ASPH: variants seen among roughly 807,000 people sequenced by gnomAD.
ASPH encodes the protein aspartate beta-hydroxylase, also known as aspartyl/asparaginyl beta-hydroxylase.
ASPH carries 100 observed loss-of-function variants against 118.4 expected under a neutral mutation model. That is an observed-to-expected ratio of 0.84 (90% confidence interval 0.72 to 1.00). The LOEUF (loss-of-function observed/expected upper bound fraction) is 1.00, where lower values mean the gene tolerates loss of function less well. ASPH is among the 50% of genes least tolerant of loss of function. ASPH has a pLI of 0.00. For synonymous variants in ASPH, 315 were observed against 325.6 expected, an observed-to-expected ratio of 0.97 and a Z score of 0.35; for missense variants, 920 against 919.5, an observed-to-expected ratio of 1.00 and a Z score of -0.01.
At chr8:61,678,736 C>T (rs978687932) in intron 3 of ASPH, among the ~76,000 whole-genome samples, 1 of 152,114 alleles carries the variant, frequency 6.6e-6, no homozygotes, top group East Asian at 1.9e-4. Flanking sequence ...CTCCTCTTAT[C>T]TCTGATTTCC....
At chr8:61,687,077 C>A (rs1830840262) in intron 1 of ASPH, among the ~76,000 whole-genome samples, 1 of 151,748 alleles carries the variant, frequency 6.6e-6, no homozygotes, top group African/African-American at 2.4e-5. Context: ...GGCAACAAAG[C>A]AAGACCCTTT....
At chr8:61,517,472 T>G (rs1272141819) in intron 24 of ASPH, 56 bp downstream of exon 24, 13 of 1,591,732 alleles carry the variant, frequency 8.2e-6, no homozygotes, top group Non-Finnish European at 1.1e-5. Flanking sequence ...AACTGTGTTG[T>G]AACAAACTCT....
At chr8:61,666,918 T>A (rs1286465207) in intron 3 of ASPH, among the ~76,000 whole-genome samples, 1 of 152,200 alleles carries the variant, frequency 6.6e-6, no homozygotes, top group African/African-American at 2.4e-5. Context: ...AAAAATTCAG[T>A]CTTTAATGTT....
At chr8:61,610,637 G>C (rs1477387740) in intron 14 of ASPH, among the ~76,000 whole-genome samples, 1 of 152,196 alleles carries the variant, frequency 6.6e-6, no homozygotes, top group Non-Finnish European at 1.5e-5. Context: ...GGGTGGACGG[G>C]AGACTGTTTT....
intron 15 of ASPH, among the ~76,000 whole-genome samples, chr8:61,577,399 C>CA (rs775523503): frequency 0.046 from 1,077 of 23,248 alleles, 218 homozygotes; most frequent in Middle Eastern, 0.17. Flanking sequence ...CCCAATCTCG[C>CA]AAAAAAAAAA....
At chr8:61,681,853 A>G (rs1828251042) in intron 2 of ASPH, among the ~76,000 whole-genome samples, 1 of 151,940 alleles carries the variant, frequency 6.6e-6, no homozygotes, top group Admixed American at 6.6e-5. Flanking sequence ...AAAAAGTCAA[A>G]TATATTCAAC....
chr8:61,603,191 C>CAAAA (rs11336705), intron 14 of ASPH, among the ~76,000 whole-genome samples: 7 of 61,344 alleles, frequency 1.1e-4, no homozygotes, highest in African/African-American at 1.8e-4. Context: ...AGACTTGTCT[C>CAAAA]AAAAAAAAAA....
intron 20 of ASPH, 49 bp from the exon 21 acceptor site, chr8:61,548,257 T>C (rs768433577): frequency 6.6e-6 from 10 of 1,519,366 alleles, no homozygotes; most frequent in Admixed American, 2.1e-5. Context: ...CAACAGAGCA[T>C]TTTTATTAAT....
chr8:61,700,670 G>A (rs1835035706), intron 1 of ASPH, among the ~76,000 whole-genome samples: 1 of 152,160 alleles, frequency 6.6e-6, no homozygotes, highest in South Asian at 2.1e-4. Flanking sequence ...AACAAACAAC[G>A]TAAGAATTTC....
chr8:61,672,279 C>T (rs978757848), intron 3 of ASPH, among the ~76,000 whole-genome samples: 2 of 151,928 alleles, frequency 1.3e-5, no homozygotes, highest in Non-Finnish European at 2.9e-5. Context: ...CCCACCAACC[C>T]TCTACAGTAA....
intron 13 of ASPH, 72 bp downstream of exon 13, chr8:61,633,611 A>C: frequency 3.1e-6 from 4 of 1,277,072 alleles, no homozygotes; most frequent in Non-Finnish European, 4.4e-6. Flanking sequence ...ATTCATTATA[A>C]AGCTATTGGT....
At chr8:61,635,881 G>A (rs778591053) in intron 12 of ASPH, among the ~76,000 whole-genome samples, 2 of 152,038 alleles carry the variant, frequency 1.3e-5, no homozygotes, top group Non-Finnish European at 2.9e-5. Context: ...TTCCGTTCTT[G>A]CTCCATTCAA....
intron 24 of ASPH, among the ~76,000 whole-genome samples, chr8:61,510,876 T>C (rs1422454806): frequency 1.3e-5 from 2 of 152,298 alleles, no homozygotes. Flanking sequence ...GCAATGCAGA[T>C]GAAGATGGGA....
In ASPH at chr8:61,502,109, C is replaced by T. The variant is rs994167277; in HGVS notation, c.*1250G>A. 2 of 152,106 alleles carry T rather than the reference C, an allele frequency of 1.3e-5. No individual in the cohort carries two copies. Among genetic ancestry groups the T allele is most frequent in the Non-Finnish European group, 2.9e-5 (2 of 68,008 alleles). 9.4% of individuals were successfully genotyped at this position (152,106 alleles called of 1,614,324 possible). A position where few individuals can be genotyped will look rare whatever the true frequency, so the allele number is the denominator to read the frequency against. ...TCATCTTTGGAATGAGTAGGCAAGA[C>T]GATTTTTACCTATTATTTCTATGTT... On this transcript the variant is annotated 3_prime_UTR_variant, in exon 25 of 25. Coordinates refer to ENST00000379454, the MANE Select transcript of ASPH (RefSeq NM_004318.4).
chr8:61,578,675 G>T, intron 15 of ASPH: 4 of 1,604,122 alleles, frequency 2.5e-6, no homozygotes, highest in Non-Finnish European at 3.4e-6. Flanking sequence ...GGCAGCTGGA[G>T]ACTCTGGGCC....
chr8:61,555,030 A>G (rs1183698988), intron 19 of ASPH, among the ~76,000 whole-genome samples: 1 of 152,148 alleles, frequency 6.6e-6, no homozygotes, highest in Non-Finnish European at 1.5e-5. Context: ...AGAAAATTCT[A>G]CTGGGAAGCC....
At chr8:61,653,440 A>G in intron 4 of ASPH, 128 bp downstream of exon 4, 1 of 852,172 alleles carries the variant, frequency 1.2e-6, no homozygotes, top group Non-Finnish European at 1.8e-6. Flanking sequence ...TTCAGAAGAG[A>G]AAAAAAGTAG....
chr8:61,562,720 A>G, intron 18 of ASPH, 24 bp downstream of exon 18: 2 of 1,578,826 alleles, frequency 1.3e-6, no homozygotes, highest in Non-Finnish European at 1.7e-6. Context: ...AATTTGACGT[A>G]GTTAATACAA....
chr8:61,652,195 A>T (rs1232524522), intron 4 of ASPH, among the ~76,000 whole-genome samples: 1 of 152,228 alleles, frequency 6.6e-6, no homozygotes, highest in African/African-American at 2.4e-5. Flanking sequence ...ACAAAGCCTA[A>T]GATAGCTTCC....
Sources: allele counts gnomAD v4.1 joint callset (sites outside exome capture counted in the v4.1 genomes callset), GRCh38; gene constraint gnomAD v4.1.1; transcripts MANE v1.5; gene names NCBI Gene and HGNC (gene_info 2026-07-23, HGNC 2026-07-21).